Variants in NALCN observed in about 807,000 individuals in gnomAD.
NALCN encodes the protein sodium leak channel NALCN.
Under a neutral mutation model 225.3 loss-of-function variants are expected in NALCN, and 111 were observed. The ratio of observed to expected loss-of-function variants is 0.49; its 90% CI spans 0.42 to 0.58. The LOEUF is 0.58. Ranked by LOEUF, NALCN falls within the 20% of genes least tolerant of loss-of-function variation. The pLI is 0.00. For synonymous variants in NALCN, 764 were observed against 769.0 expected (o/e 0.99, Z 0.11); for missense variants, 1,378 against 2,202.4 (o/e 0.63, Z 7.49).
At chr13:101,270,331 C>A (rs1241799368) in intron 10 of NALCN, among the ~76,000 whole-genome samples, 1 of 152,158 alleles carries the variant, frequency 6.6e-6, no homozygotes. Flanking sequence ...ATTGACATTC[C>A]CACAGCTAAT....
rs182891697 is a variant in NALCN at position 101,119,939 on chromosome 13, C to T, written c.2192+4669G>A. Among the ~76,000 whole-genome samples, 1,256 of 151,862 alleles carry T rather than the reference C, an allele frequency of 8.3e-3. 2 individuals are homozygous for T. The highest frequency in any genetic ancestry group is 0.013 in the Non-Finnish European group (873 of 67,908). ...AAAAATGGCCCACTTTTTTTTTTCTCATCAAAGAGTTCTCAAATATATCAA... is the reference window on the plus strand; with the variant it reads ...AAAAATGGCCCACTTTTTTTTTTCTTATCAAAGAGTTCTCAAATATATCAA... On this transcript the variant is annotated intron_variant, in intron 18 of 43. Coordinates refer to ENST00000251127, the MANE Select transcript of NALCN (RefSeq NM_052867.4).
intron 28 of NALCN, among the ~76,000 whole-genome samples, chr13:101,094,175 C>T (rs889222883): frequency 5.9e-5 from 9 of 152,148 alleles, no homozygotes; most frequent in Non-Finnish European, 8.8e-5. Context: ...AGCCCTTTGC[C>T]GCAAGGCTCA....
rs145500402 is a variant in NALCN at position 101,255,434 on chromosome 13, T to C, written c.1266+3009A>G. ...CACTTATGCTCCAGGACTGATTTAGTGTGACCACCTGCCCACCCTGTGCTA... is the reference window on the plus strand; with the variant it reads ...CACTTATGCTCCAGGACTGATTTAGCGTGACCACCTGCCCACCCTGTGCTA... On this transcript the variant is annotated intron_variant, in intron 11 of 43. Transcript: ENST00000251127. Among the ~76,000 whole-genome samples, 12 of 115,944 alleles carry C rather than the reference T, an allele frequency of 1.0e-4. 1 individual carries two copies. Among genetic ancestry groups the C allele is most frequent in the Middle Eastern group, 4.1e-3 (1 of 242 alleles). The allele number at this position is 115,944 out of a possible 152,430, so 76.1% of individuals were successfully genotyped here.
intron 3 of NALCN, among the ~76,000 whole-genome samples, chr13:101,382,323 C>A: frequency 6.6e-6 from 1 of 151,638 alleles, no homozygotes; most frequent in African/African-American, 2.4e-5. Context: ...AGTGAATGGC[C>A]AGGAGCCAAA....
intron 1 of NALCN, among the ~76,000 whole-genome samples, chr13:101,404,781 G>A (rs1017430260): frequency 1.3e-5 from 2 of 152,158 alleles, no homozygotes; most frequent in Non-Finnish European, 2.9e-5. Flanking sequence ...AAATACACAT[G>A]TGCAGAAAAT....
Position 101,104,251 on chromosome 13 carries a change from C to T in NALCN, c.2889+44G>A. The T allele has an allele frequency of 6.4e-7, 1 of 1,555,040 alleles. No individual in the cohort carries two copies. The highest frequency in any genetic ancestry group is 8.7e-7 in the Non-Finnish European group (1 of 1,155,316). ...ATACCAAGAAATGCAGGAGATTTTA[C>T]AAAACCATTACATTTTTCATTTAGG... On this transcript the variant is annotated intron_variant, in intron 25 of 43. Coordinates refer to ENST00000251127, the MANE Select transcript of NALCN (RefSeq NM_052867.4). This position sits in a 1 kb window ranked among gnomAD's most constrained non-coding sequence, Gnocchi z 4.2.
At chr13:101,154,995 G>A (rs906411328) in intron 15 of NALCN, among the ~76,000 whole-genome samples, 2 of 152,140 alleles carry the variant, frequency 1.3e-5, no homozygotes, top group African/African-American at 2.4e-5. Flanking sequence ...TTGATACAAC[G>A]TATTCATGGC....
At chr13:101,322,054 A>T (rs2044763588) in intron 7 of NALCN, among the ~76,000 whole-genome samples, 1 of 152,212 alleles carries the variant, frequency 6.6e-6, no homozygotes, top group South Asian at 2.1e-4. Flanking sequence ...CCATTCTTAG[A>T]TTAATTCATT....
intron 11 of NALCN, among the ~76,000 whole-genome samples, chr13:101,240,514 A>T (rs1294034352): frequency 6.6e-6 from 1 of 152,038 alleles, no homozygotes; most frequent in Non-Finnish European, 1.5e-5. Flanking sequence ...TTTTTATAGA[A>T]ATGTGCACAA....
At chr13:101,152,730 G>A (rs1333341755) in intron 15 of NALCN, among the ~76,000 whole-genome samples, 1 of 152,008 alleles carries the variant, frequency 6.6e-6, no homozygotes, top group Non-Finnish European at 1.5e-5. Context: ...GATTGATTTT[G>A]TAGGTTTATT....
chr13:101,094,823 A>T (rs1054026149), intron 28 of NALCN, among the ~76,000 whole-genome samples: 1 of 152,214 alleles, frequency 6.6e-6, no homozygotes, highest in Non-Finnish European at 1.5e-5. Context: ...TGACATTTAG[A>T]AAAGAACATC....
At chr13:101,125,990 T>C (rs886363690) in intron 17 of NALCN, among the ~76,000 whole-genome samples, 1 of 152,130 alleles carries the variant, frequency 6.6e-6, no homozygotes, top group African/African-American at 2.4e-5. Context: ...TCAGTAAAAA[T>C]AGATCACCTA....
chr13:101,341,302 G>C (rs2045552366), intron 7 of NALCN, among the ~76,000 whole-genome samples: 1 of 152,110 alleles, frequency 6.6e-6, no homozygotes, highest in Admixed American at 6.6e-5. Context: ...TATTCAGAAA[G>C]AGCTTGACCC....
At chr13:101,079,613 C>T (rs1227143661) in intron 34 of NALCN, among the ~76,000 whole-genome samples, 1 of 152,190 alleles carries the variant, frequency 6.6e-6, no homozygotes. Context: ...TCATTATACT[C>T]ATAGATTTGT....
At chr13:101,252,989 G>T (rs1429321199) in intron 11 of NALCN, among the ~76,000 whole-genome samples, 1 of 151,632 alleles carries the variant, frequency 6.6e-6, no homozygotes, top group Non-Finnish European at 1.5e-5. Flanking sequence ...ATAATAATAA[G>T]AAAAATATTG....
intron 18 of NALCN, among the ~76,000 whole-genome samples, chr13:101,113,278 C>T (rs538001483): frequency 1.1e-4 from 17 of 152,108 alleles, no homozygotes; most frequent in African/African-American, 3.1e-4. Context: ...TGAGGTTGGA[C>T]GGTGGATGCA....
chr13:101,395,443 A>T lies in NALCN; in HGVS notation c.109-78T>A. On this transcript the variant is annotated intron_variant, in intron 2 of 43. Coordinates refer to ENST00000251127, the MANE Select transcript of NALCN (RefSeq NM_052867.4). ...TTGTATTATGAACCACACTAAGTGGAAAACATAATACTGAGGTTAAAATAG... is the reference window on the plus strand; with the variant it reads ...TTGTATTATGAACCACACTAAGTGGTAAACATAATACTGAGGTTAAAATAG... The T allele has an allele frequency of 2.9e-6, 4 of 1,382,636 alleles. No homozygotes were observed. In the Admixed American group the frequency reaches 8.3e-5, roughly 29 times the overall value. The allele number at this position is 1,382,636 out of a possible 1,614,324, so 85.6% of individuals were successfully genotyped here.
chr13:101,357,609 C>T (rs762470232), intron 6 of NALCN, among the ~76,000 whole-genome samples: 1 of 151,976 alleles, frequency 6.6e-6, no homozygotes, highest in Non-Finnish European at 1.5e-5. Flanking sequence ...GCCATACTGC[C>T]CAAAATAAAT....
At chr13:101,260,426 G>C (rs1000397822) in intron 10 of NALCN, among the ~76,000 whole-genome samples, 11 of 152,136 alleles carry the variant, frequency 7.2e-5, no homozygotes, top group African/African-American at 2.7e-4. Flanking sequence ...TCAATTTTTA[G>C]TTTTTTGAGG....
Sources: gnomAD v4.1 joint callset for allele counts (sites outside exome capture counted in the v4.1 genomes callset) on GRCh38, gnomAD v4.1.1 for gene constraint, Gnocchi (gnomAD v3.1) non-coding constraint, MANE v1.5 for transcripts, NCBI Gene and HGNC (gene_info 2026-07-23, HGNC 2026-07-21) for gene names.